Variants in ELMO1 observed in about 807,000 individuals in gnomAD.
The protein encoded by ELMO1 is engulfment and cell motility protein 1.
A neutral mutation model predicts 98.9 loss-of-function variants in ELMO1; 26 were observed. The ratio of observed to expected loss-of-function variants is 0.26; its 90% confidence interval spans 0.19 to 0.36. The LOEUF (loss-of-function observed/expected upper bound fraction) is 0.36, where lower values mean the gene tolerates loss of function less well. ELMO1 is among the 10% of genes least tolerant of loss of function. The probability of loss-of-function intolerance (pLI) is 1.00; values close to 1 mark genes in which losing one functional copy is unlikely to be tolerated. For missense variants in ELMO1, 627 were observed against 935.2 expected (o/e 0.67, Z 4.30); for synonymous variants, 346 against 346.0 (o/e 1.00, Z 0.00).
At chr7:37,080,475 T>C (rs1797807816) in intron 15 of ELMO1, among the ~76,000 whole-genome samples, 1 of 150,016 alleles carries the variant, frequency 6.7e-6, no homozygotes, top group Non-Finnish European at 1.5e-5. Flanking sequence ...TCTTGCTGTG[T>C]CACCCAGGCT....
chr7:36,902,296 C>G (rs1015694149), intron 16 of ELMO1, among the ~76,000 whole-genome samples: 3 of 152,226 alleles, frequency 2.0e-5, no homozygotes, highest in African/African-American at 7.2e-5. Context: ...CATCCAGTAA[C>G]AAGAGAACTC....
chr7:37,290,180 T>C (rs1490108132), intron 4 of ELMO1, among the ~76,000 whole-genome samples: 1 of 152,212 alleles, frequency 6.6e-6, no homozygotes, highest in Admixed American at 6.5e-5. Flanking sequence ...AAGAGACATA[T>C]ACTGGGTGAA....
At chr7:37,120,593 T>C (rs1670568387) in intron 14 of ELMO1, among the ~76,000 whole-genome samples, 1 of 152,180 alleles carries the variant, frequency 6.6e-6, no homozygotes, top group South Asian at 2.1e-4. Flanking sequence ...CACCCGCCAT[T>C]GCTGAGGCTT....
At chr7:37,379,330 C>T (rs1027217502) in intron 1 of ELMO1, among the ~76,000 whole-genome samples, 51 of 152,192 alleles carry the variant, frequency 3.4e-4, no homozygotes, top group Non-Finnish European at 6.0e-4. Context: ...TGTGAGCCAC[C>T]GCGCCCGGCC....
At chr7:37,054,870 T>C (rs1186500614) in intron 15 of ELMO1, among the ~76,000 whole-genome samples, 3 of 152,208 alleles carry the variant, frequency 2.0e-5, no homozygotes, top group Admixed American at 6.5e-5. Context: ...AAAATTTCAT[T>C]TTCCATTGGC....
At chr7:37,114,578 T>C (rs1785454626) in intron 14 of ELMO1, among the ~76,000 whole-genome samples, 1 of 152,146 alleles carries the variant, frequency 6.6e-6, no homozygotes, top group African/African-American at 2.4e-5. Context: ...GGTTTAGCCA[T>C]GCTGAACCCC....
At chr7:36,996,691 A>C (rs114251733) in intron 16 of ELMO1, among the ~76,000 whole-genome samples, 91 of 152,350 alleles carry the variant, frequency 6.0e-4, no homozygotes, top group Middle Eastern at 3.4e-3. Flanking sequence ...AAGTGAACAT[A>C]AGAGGGAAAA....
chr7:37,204,013 GC>G (rs1280006217), intron 13 of ELMO1: 1 of 440,454 alleles, frequency 2.3e-6, no homozygotes, highest in Non-Finnish European at 4.6e-6. Flanking sequence ...CACGCTAGTC[GC>G]TTTTAACTGG....
At chr7:37,012,585 A>G (rs1443234727) in intron 16 of ELMO1, among the ~76,000 whole-genome samples, 1 of 152,236 alleles carries the variant, frequency 6.6e-6, no homozygotes, top group Non-Finnish European at 1.5e-5. Context: ...TTGCTTCTCT[A>G]TGAAAGCATG....
intron 1 of ELMO1, among the ~76,000 whole-genome samples, chr7:37,373,171 G>C (rs1046982129): frequency 1.3e-5 from 2 of 152,224 alleles, no homozygotes; most frequent in African/African-American, 4.8e-5. Context: ...GCAGAGGTCG[G>C]TTCTGGGAAA....
rs181586782 is a variant in ELMO1, at chr7:37,406,499, G to A, written c.-74+42176C>T. ...GGCTAGAGTGCAGTGGCGCGATCTC[G>A]GCTCACTGCAAGCTCCGCCTCCCGG... On this transcript the variant is annotated intron_variant, in intron 1 of 21. Coordinates refer to ENST00000310758, the MANE Select transcript of ELMO1 (RefSeq NM_014800.11). Among the ~76,000 whole-genome samples the A allele has an allele frequency of 2.0e-3, 299 of 151,964 alleles. 1 individual carries two copies. The highest frequency in any genetic ancestry group is 7.1e-3 in the African/African-American group (293 of 41,454).
intron 16 of ELMO1, among the ~76,000 whole-genome samples, chr7:36,995,943 T>C (rs965346347): frequency 3.9e-5 from 6 of 152,110 alleles, no homozygotes; most frequent in Non-Finnish European, 5.9e-5. Flanking sequence ...AGGGGTGTAA[T>C]TGACCTCACA....
intron 15 of ELMO1, among the ~76,000 whole-genome samples, chr7:37,048,797 A>C (rs1795938946): frequency 6.6e-6 from 1 of 152,232 alleles, no homozygotes; most frequent in Non-Finnish European, 1.5e-5. Context: ...AAAAGACTTA[A>C]AAACAGGGCC....
chr7:37,306,280 C>G (rs1292355460), intron 4 of ELMO1, among the ~76,000 whole-genome samples: 1 of 152,020 alleles, frequency 6.6e-6, no homozygotes, highest in Non-Finnish European at 1.5e-5. Context: ...ACCAAGGAGA[C>G]AAATCAACAT....
At chr7:37,016,881 C>T (rs1030752803) in intron 15 of ELMO1, among the ~76,000 whole-genome samples, 1 of 152,190 alleles carries the variant, frequency 6.6e-6, no homozygotes, top group East Asian at 1.9e-4. Flanking sequence ...GGCTCCAAAG[C>T]GCATCATTAT....
intron 1 of ELMO1, among the ~76,000 whole-genome samples, chr7:37,407,980 T>A (rs758513642): frequency 4.1e-4 from 63 of 152,316 alleles, no homozygotes; most frequent in Non-Finnish European, 7.2e-4. Flanking sequence ...GATTAATTTT[T>A]AAAATATTTA....
intron 15 of ELMO1, among the ~76,000 whole-genome samples, chr7:37,095,008 G>T (rs1482281551): frequency 6.6e-6 from 1 of 152,172 alleles, no homozygotes; most frequent in African/African-American, 2.4e-5. Flanking sequence ...AGCTGGGCAC[G>T]GCATGTCATA....
At position 37,213,807 on chromosome 7, in the gene ELMO1, A is replaced by C. The variant is rs547782845; in HGVS notation, c.832-350T>G. Among the ~76,000 whole-genome samples, 4 of 152,360 alleles carry C rather than the reference A, an allele frequency of 2.6e-5. No individual in the cohort carries two copies. The East Asian group carries it at 7.7e-4, about 29-fold the overall frequency. On this transcript the variant is annotated intron_variant, in intron 11 of 21. Transcript: ENST00000310758. The stretch of plus-strand genomic sequence containing the variant: ...GATTTCTACAATGGAAGCATCTGTC[A>C]CACGCAGCAGAAAAACCAATGATGC...
At position 37,375,432 on chromosome 7, in the gene ELMO1, G is replaced by A; in HGVS notation, c.-73-32669C>T. On this transcript the variant is annotated intron_variant, in intron 1 of 21. Coordinates refer to ENST00000310758, the MANE Select transcript of ELMO1 (RefSeq NM_014800.11). ...CATAGATAGCCTTGTTTATGCCCAG[G>A]AATAGCAAGGGCAGTCAGCCCGTGA... 2 of 625,626 alleles carry A rather than the reference G, an allele frequency of 3.2e-6. 1 individual carries two copies. The highest frequency in any genetic ancestry group is 3.7e-5 in the South Asian group (2 of 54,754). 38.8% of individuals were successfully genotyped at this position (625,626 alleles called of 1,614,324 possible).
Sources: gnomAD v4.1 joint callset for allele counts (sites outside exome capture counted in the v4.1 genomes callset) on GRCh38, gnomAD v4.1.1 for gene constraint, MANE v1.5 for transcripts, NCBI Gene and HGNC (gene_info 2026-07-23, HGNC 2026-07-21) for gene names.